Variants in SLC25A25 observed in about 807,000 individuals in gnomAD.
SLC25A25 encodes the protein solute carrier family 25 member 25.
SLC25A25 carries 32 observed loss-of-function variants against 57.7 expected under a neutral mutation model. The ratio of observed to expected loss-of-function variants is 0.55; its 90% CI spans 0.42 to 0.74. The LOEUF is 0.74. Among genes scored for constraint, SLC25A25 ranks in the 30% least tolerant of loss-of-function variants. The pLI is 0.00. For missense variants in SLC25A25, 556 were observed against 701.3 expected (o/e 0.79, Z 2.34); for synonymous variants, 306 against 291.2 (o/e 1.05, Z -0.52).
intron 1 of SLC25A25, among the ~76,000 whole-genome samples, chr9:128,069,547 C>T (rs1185674919): frequency 1.3e-5 from 2 of 152,006 alleles, no homozygotes; most frequent in African/African-American, 4.8e-5. Context: ...ATCTCGTAGC[C>T]AAGTATGAAA....
intron 1 of SLC25A25, among the ~76,000 whole-genome samples, chr9:128,069,387 T>G (rs1588739718): frequency 6.6e-6 from 1 of 152,200 alleles, no homozygotes; most frequent in Non-Finnish European, 1.5e-5. Context: ...CAGTCTGACT[T>G]GGCGGGTGTA....
chr9:128,106,441 T>G lies in SLC25A25; in HGVS notation c.1133T>G (p.Val378Gly), dbSNP rs1588796578. The G allele has an allele frequency of 6.2e-7, 1 of 1,613,220 alleles. No individual in the cohort carries two copies. Among genetic ancestry groups the G allele is most frequent in the Admixed American group, 1.7e-5 (1 of 59,972 alleles). Residue 378 changes from valine to glycine, a missense_variant, in exon 9 of 11, where the codon GTG becomes GGG. Coordinates refer to ENST00000373069, the MANE Select transcript of SLC25A25 (RefSeq NM_001330988.2). ...AGGAGGATCCTGGCCAGAGAGGGGG[T>G]GGCCGCCTTCTACAAAGGCTATGTC... The part of the protein sequence containing the change: ...CARRILAREG[V>G]AAFYKGYVPN...
rs1404655211 is a variant in SLC25A25, at chr9:128,101,826, G to A, written c.477-254G>A. On this transcript the variant is annotated intron_variant, in intron 3 of 10. Transcript: ENST00000373069. This position sits in a 1 kb window ranked among gnomAD's most constrained non-coding sequence, Gnocchi z 4.9. ...CCAAAAGATAGCTCCCTGGTGCGGG[G>A]CGGCTGCCAGGAAATCTCATGGAAC... 1.3e-5 allele frequency among the ~76,000 whole-genome samples: 2 copies of A among 152,210 alleles called. No homozygotes were observed. The highest frequency in any genetic ancestry group is 3.9e-4 in the East Asian group (2 of 5,194).
At chr9:128,097,794 G>A (rs1833605571) in intron 1 of SLC25A25, among the ~76,000 whole-genome samples, 1 of 152,158 alleles carries the variant, frequency 6.6e-6, no homozygotes, top group Non-Finnish European at 1.5e-5. Flanking sequence ...TCAGCTCCTG[G>A]GCACTCTGGG....
At chr9:128,098,975 T>C in intron 1 of SLC25A25, 1 of 985,294 alleles carries the variant, frequency 1.0e-6, no homozygotes, top group Non-Finnish European at 1.2e-6. Context: ...AGAAAGGAAA[T>C]TCCTTTTGCT....
chr9:128,071,696 G>C (rs1332673845), intron 1 of SLC25A25, among the ~76,000 whole-genome samples: 1 of 151,436 alleles, frequency 6.6e-6, no homozygotes, highest in Non-Finnish European at 1.5e-5. Context: ...ACAGGCGTGA[G>C]CTACCGCGCC....
At chr9:128,087,093 T>TA (rs1188880793) in intron 1 of SLC25A25, among the ~76,000 whole-genome samples, 1 of 151,862 alleles carries the variant, frequency 6.6e-6, no homozygotes, top group Non-Finnish European at 1.5e-5. Flanking sequence ...CGGGTGCCTG[T>TA]AATCCCAGCT....
rs558972121 is a variant in SLC25A25 at position 128,101,322 on chromosome 9, G to T, written c.402G>T (p.Ala134=). 3.7e-6 allele frequency: 6 copies of T among 1,614,272 alleles called. No individual in the cohort carries two copies. Among genetic ancestry groups the T allele is most frequent in the Middle Eastern group, 1.7e-4 (1 of 6,058 alleles). Reference sequence around the variant, plus strand: ...CTGTTCTTGCAGGACGCATTGACGCGCAGGAGATCATGCAGTCCCTGCGGG... The same window carrying T: ...CTGTTCTTGCAGGACGCATTGACGCTCAGGAGATCATGCAGTCCCTGCGGG... ...LDKKNDGRID[A]QEIMQSLRDL... is the part of the protein sequence containing the mutation. Residue 134 remains alanine (A), a synonymous_variant, in exon 3 of 11, where the codon GCG becomes GCT. Transcript: ENST00000373069. The surrounding 1 kb of genome is among the most constrained non-coding windows in gnomAD (Gnocchi z 4.9).
chr9:128,104,397 C>T (rs1348708569), intron 6 of SLC25A25, among the ~76,000 whole-genome samples: 3 of 152,202 alleles, frequency 2.0e-5, no homozygotes, highest in African/African-American at 7.2e-5. Flanking sequence ...GGAAGAGCTG[C>T]CTCCTTTCTC....
intron 1 of SLC25A25, chr9:128,098,943 C>T: frequency 5.1e-6 from 5 of 985,388 alleles, no homozygotes; most frequent in Non-Finnish European, 6.0e-6. Context: ...CCAGCGAAGG[C>T]TGTTGTGAGA....
rs951607979 is a variant in SLC25A25, at chr9:128,102,733, A to ATGCTCCC, written c.624+266_624+272dup. Among the ~76,000 whole-genome samples the ATGCTCCC allele has an allele frequency of 1.3e-5, 2 of 152,070 alleles. No individual in the cohort carries two copies. Among genetic ancestry groups the ATGCTCCC allele is most frequent in the Non-Finnish European group, 2.9e-5 (2 of 67,984 alleles). On this transcript the variant is annotated intron_variant, in intron 5 of 10. Transcript: ENST00000373069. This position sits in a 1 kb window ranked among gnomAD's most constrained non-coding sequence, Gnocchi z 4.1. ...TTCCAGGAACACCCTCCGTCCCCAC[A>ATGCTCCC]TGCTCCCTGCTCCCTGCTCCTCATG...
chr9:128,076,462 AT>A (rs1564178000), intron 1 of SLC25A25, among the ~76,000 whole-genome samples: 4,724 of 97,696 alleles, frequency 0.048, 274 homozygotes, highest in African/African-American at 0.21. Context: ...TTTTATTTTT[AT>A]TTTTATTTTT....
intron 1 of SLC25A25, among the ~76,000 whole-genome samples, chr9:128,097,942 C>T (rs528596085): frequency 2.6e-5 from 4 of 152,282 alleles, no homozygotes; most frequent in South Asian, 2.1e-4. Flanking sequence ...GTGGCCAGGG[C>T]AGCTCCCCTG....
intron 7 of SLC25A25, 133 bp downstream of exon 7, chr9:128,106,014 G>A: frequency 6.6e-7 from 1 of 1,523,744 alleles, no homozygotes; most frequent in Non-Finnish European, 9.0e-7. Flanking sequence ...GGGCGAGGCA[G>A]GAGGCCCAGG....
In SLC25A25 at chr9:128,091,342, G is replaced by A. The variant is rs901683507; in HGVS notation, c.262-9754G>A. The A allele has an allele frequency of 7.9e-6, 6 of 761,296 alleles. No homozygotes were observed. The African/African-American group carries it at 1.1e-4, about 14-fold the overall frequency. The allele number at this position is 761,296 out of a possible 1,614,324, so 47.2% of individuals were successfully genotyped here. The stretch of plus-strand genomic sequence containing the variant: ...GCTTCATGCAGGCAATCAGCTGCCT[G>A]TGATTGGAGGGCTGGTGCTGGTAGG... On this transcript the variant is annotated intron_variant, in intron 1 of 10. Coordinates refer to ENST00000373069, the MANE Select transcript of SLC25A25 (RefSeq NM_001330988.2).
intron 1 of SLC25A25, among the ~76,000 whole-genome samples, chr9:128,100,015 C>T (rs550054147): frequency 5.9e-5 from 9 of 152,240 alleles, no homozygotes; most frequent in Admixed American, 2.0e-4. Flanking sequence ...GAAGGTTAGC[C>T]TTGAGGGTGG....
intron 1 of SLC25A25, among the ~76,000 whole-genome samples, chr9:128,100,189 G>A (rs977394947): frequency 4.0e-5 from 6 of 148,772 alleles, no homozygotes; most frequent in Non-Finnish European, 9.0e-5. Context: ...TCCTAGAGCT[G>A]TTTGCGAGGG....
rs1832822974 is a variant in SLC25A25 at position 128,068,279 on chromosome 9, C to T, written c.-41C>T. 1.6e-6 allele frequency: 2 copies of T among 1,213,960 alleles called. No homozygotes were observed. Among genetic ancestry groups the T allele is most frequent in the Non-Finnish European group, 2.1e-6 (2 of 957,126 alleles). 75.2% of individuals were successfully genotyped at this position (1,213,960 alleles called of 1,614,324 possible). Reference sequence around the variant, plus strand: ...CGCGCGGTCACCGCCGGCCCGCCGCCCCCGCTCCCGCCCGCGCCCGGAGCC... The same window carrying T: ...CGCGCGGTCACCGCCGGCCCGCCGCTCCCGCTCCCGCCCGCGCCCGGAGCC... On this transcript the variant is annotated 5_prime_UTR_variant, in exon 1 of 11. Transcript: ENST00000373069.
chr9:128,101,036 A>G lies in SLC25A25; in HGVS notation c.262-60A>G. 6.2e-7 allele frequency: 1 copy of G among 1,607,454 alleles called. No homozygotes were observed. Among genetic ancestry groups the G allele is most frequent in the South Asian group, 1.1e-5 (1 of 90,464 alleles). ...TCATTGCCTGGGGATGGGGCCCCAC[A>G]AGGGACAAGGAAAGGCTGGTCCAGG... On this transcript the variant is annotated intron_variant, in intron 1 of 10. Transcript: ENST00000373069. The surrounding 1 kb of genome is among the most constrained non-coding windows in gnomAD (Gnocchi z 4.9).
Sources: allele counts gnomAD v4.1 joint callset (sites outside exome capture counted in the v4.1 genomes callset), GRCh38; gene constraint gnomAD v4.1.1; non-coding constraint Gnocchi (gnomAD v3.1); transcripts MANE v1.5; gene names NCBI Gene and HGNC (gene_info 2026-07-23, HGNC 2026-07-21).